Variants in BCCIP observed in about 807,000 individuals in gnomAD.
BCCIP encodes the protein BRCA2 and CDKN1A interacting protein.
BCCIP carries 23 observed loss-of-function variants against 32.8 expected under a neutral mutation model. The observed-to-expected ratio is 0.70, with a 90% CI of 0.51 to 0.99. BCCIP has a LOEUF of 0.99. Among genes scored for constraint, BCCIP ranks in the 50% least tolerant of loss-of-function variants. The pLI is 0.00. For synonymous variants in BCCIP, 144 were observed against 137.6 expected, an observed-to-expected ratio of 1.05 and a Z score of -0.33; for missense variants, 378 against 379.8, an observed-to-expected ratio of 1.00 and a Z score of 0.04.
downstream of BCCIP, chr10:125,838,990 C>A (rs781107173): frequency 2.4e-5 from 39 of 1,611,230 alleles, no homozygotes; most frequent in Non-Finnish European, 3.2e-5. Context: ...GGTGACCCCA[C>A]CCCTTCTCAC....
At chr10:125,843,891 C>T (rs553613404), downstream of BCCIP, among the ~76,000 whole-genome samples, 1 of 152,188 alleles carries the variant, frequency 6.6e-6, no homozygotes, top group Non-Finnish European at 1.5e-5. Context: ...CCCAGACATC[C>T]GCTGGAGTAC....
At chr10:125,836,633 T>G, downstream of BCCIP, 2 of 1,586,076 alleles carry the variant, frequency 1.3e-6, no homozygotes, top group Non-Finnish European at 1.7e-6. Flanking sequence ...TATCCAGCAG[T>G]TCAGCCATCC....
Position 125,836,132 on chromosome 10 carries a change from T to C in BCCIP, c.803T>C (p.Val268Ala), listed in dbSNP as rs900247473. Residue 268 changes from valine to alanine, a missense_variant, in exon 7 of 7, where the codon GTG (valine) becomes GCG (alanine). By Grantham distance (64) the Val-to-Ala change is moderately conservative. Transcript: ENST00000278100. ...GCAATTCTCAAGTTCAACTACTCAG[T>C]GCAGGAGGAGAGCGACACTTGTCTG... Reference protein sequence around the residue: ...EKAILKFNYSVQEESDTCLGG... With the variant: ...EKAILKFNYSAQEESDTCLGG... 7.4e-6 allele frequency: 12 copies of C among 1,614,236 alleles called. No individual in the cohort carries two copies. Among genetic ancestry groups the C allele is most frequent in the Non-Finnish European group, 9.3e-6 (11 of 1,180,014 alleles).
chr10:125,845,091 C>T (rs1391987026), downstream of BCCIP, among the ~76,000 whole-genome samples: 1 of 152,176 alleles, frequency 6.6e-6, no homozygotes, highest in Non-Finnish European at 1.5e-5. Flanking sequence ...AGAGGAGGAG[C>T]CGATGCAGCG....
At chr10:125,831,269 A>T in intron 4 of BCCIP, 151 bp from the exon 5 acceptor site, 1 of 653,142 alleles carries the variant, frequency 1.5e-6, no homozygotes, top group Non-Finnish European at 2.6e-6. Context: ...AGAAATGCTT[A>T]AGCAGTCAAC....
downstream of BCCIP, among the ~76,000 whole-genome samples, chr10:125,837,613 C>T (rs1051150696): frequency 6.6e-6 from 1 of 152,016 alleles, no homozygotes; most frequent in African/African-American, 2.4e-5. Context: ...TTTGTAGAGA[C>T]GGGGTCTTGC....
exon 7 of BCCIP, chr10:125,841,759 G>A (rs781675809): frequency 3.7e-6 from 6 of 1,609,842 alleles, no homozygotes; most frequent in African/African-American, 2.7e-5. Flanking sequence ...CCATGGCTGC[G>A]ATTGTTAGCA....
chr10:125,835,677 G>A (rs887578970), intron 6 of BCCIP, among the ~76,000 whole-genome samples: 2 of 152,116 alleles, frequency 1.3e-5, no homozygotes, highest in Non-Finnish European at 2.9e-5. Flanking sequence ...TTAAGATGGC[G>A]GGGTATGCAG....
downstream of BCCIP, among the ~76,000 whole-genome samples, chr10:125,843,110 A>G (rs2134030029): frequency 6.6e-6 from 1 of 152,202 alleles, no homozygotes; most frequent in Middle Eastern, 3.4e-3. Context: ...AGCAAATCCC[A>G]TAATAGAAAG....
At chr10:125,827,669 A>T in intron 3 of BCCIP, 31 bp downstream of exon 3, 3 of 1,485,464 alleles carry the variant, frequency 2.0e-6, no homozygotes, top group Non-Finnish European at 2.8e-6. Context: ...TATTCTGATT[A>T]AATGAGTTCT....
At chr10:125,839,244 A>G (rs1854799081), downstream of BCCIP, 7 of 1,561,778 alleles carry the variant, frequency 4.5e-6, 1 homozygote, top group African/African-American at 9.5e-5. Context: ...AGCTCTGAAG[A>G]GCCCAGGCCA....
chr10:125,832,435 A>C (rs1436156282), intron 5 of BCCIP, among the ~76,000 whole-genome samples: 2 of 152,150 alleles, frequency 1.3e-5, no homozygotes, highest in African/African-American at 2.4e-5. Context: ...CTACTCTGGA[A>C]ACCTTTACGT....
At chr10:125,835,155 G>A (rs576289016) in intron 6 of BCCIP, among the ~76,000 whole-genome samples, 2 of 151,452 alleles carry the variant, frequency 1.3e-5, no homozygotes, top group Admixed American at 6.6e-5. Context: ...ATCTTGAAGT[G>A]TATCTCTGAG....
downstream of BCCIP, among the ~76,000 whole-genome samples, chr10:125,843,334 T>C (rs1854932565): frequency 6.6e-6 from 1 of 152,090 alleles, no homozygotes; most frequent in Non-Finnish European, 1.5e-5. Flanking sequence ...ATGTCTAAAT[T>C]TCAGGCAAAC....
intron 4 of BCCIP, 101 bp downstream of exon 4, chr10:125,830,752 A>G: frequency 1.4e-6 from 1 of 719,282 alleles, no homozygotes; most frequent in Non-Finnish European, 2.4e-6. Context: ...CAGTGATATT[A>G]ACTATAGGGA....
chr10:125,832,178 C>A (rs1342047643), intron 5 of BCCIP, among the ~76,000 whole-genome samples: 1 of 151,446 alleles, frequency 6.6e-6, no homozygotes, highest in East Asian at 1.9e-4. Context: ...TAGGCAGATT[C>A]TCTTATTTAT....
chr10:125,835,966 C>A, intron 6 of BCCIP, 138 bp from the exon 7 acceptor site: 1 of 757,344 alleles, frequency 1.3e-6, no homozygotes, highest in Non-Finnish European at 2.1e-6. Flanking sequence ...TGAACTTTTT[C>A]AATTCTGAGT....
chr10:125,835,460 T>C (rs186648723), intron 6 of BCCIP, among the ~76,000 whole-genome samples: 218 of 151,696 alleles, frequency 1.4e-3, no homozygotes, highest in African/African-American at 5.1e-3. Context: ...GCACCGGTAG[T>C]CCCAGCTACT....
At chr10:125,828,411 A>G (rs986532433) in intron 3 of BCCIP, among the ~76,000 whole-genome samples, 1 of 152,184 alleles carries the variant, frequency 6.6e-6, no homozygotes, top group Admixed American at 6.5e-5. Context: ...GAGATTGCGC[A>G]GGGAGGGAAG....
Sources: allele counts gnomAD v4.1 joint callset (sites outside exome capture counted in the v4.1 genomes callset), GRCh38; gene constraint gnomAD v4.1.1; transcripts MANE v1.5; gene names NCBI Gene and HGNC (gene_info 2026-07-23, HGNC 2026-07-21).